Variants in ITSN2 observed in about 807,000 individuals in gnomAD.
ITSN2 encodes the protein intersectin-2.
Under a neutral mutation model 243.7 loss-of-function variants are expected in ITSN2, and 156 were observed. The ratio of observed to expected loss-of-function variants is 0.64; its 90% CI spans 0.56 to 0.73. ITSN2 has a LOEUF of 0.73. ITSN2 is among the 30% of genes least tolerant of loss of function. The pLI is 0.00. For synonymous variants in ITSN2, 703 were observed against 699.9 expected (o/e 1.00, Z -0.07); for missense variants, 1,801 against 1,996.1 (o/e 0.90, Z 1.86).
At chr2:24,260,165 C>T (rs1045979001) in intron 22 of ITSN2, among the ~76,000 whole-genome samples, 4 of 152,136 alleles carry the variant, frequency 2.6e-5, no homozygotes, top group Non-Finnish European at 5.9e-5. Context: ...AAGCAATCCT[C>T]CCATCTTGGA....
intron 1 of ITSN2, among the ~76,000 whole-genome samples, chr2:24,337,315 A>AATATATATATATAT (rs201712131): frequency 1.8e-3 from 57 of 31,860 alleles, no homozygotes; most frequent in Middle Eastern, 0.019. Context: ...GTATACACAA[A>AATATATATATATAT]ATATATATAT....
intron 2 of ITSN2, among the ~76,000 whole-genome samples, chr2:24,315,622 G>A (rs980447538): frequency 2.0e-5 from 3 of 152,172 alleles, no homozygotes; most frequent in Non-Finnish European, 4.4e-5. Context: ...ACCTCATTTC[G>A]AACTGTAATC....
chr2:24,350,548 C>A (rs1291827566), intron 1 of ITSN2, among the ~76,000 whole-genome samples: 1 of 152,048 alleles, frequency 6.6e-6, no homozygotes, highest in African/African-American at 2.4e-5. Context: ...TTCACAATAG[C>A]CAAAAAGTAG....
At chr2:24,314,006 G>C (rs1335203037) in intron 3 of ITSN2, among the ~76,000 whole-genome samples, 1 of 152,116 alleles carries the variant, frequency 6.6e-6, no homozygotes, top group African/African-American at 2.4e-5. Context: ...CAATCTTAAC[G>C]AATCCGGTAA....
chr2:24,232,409 T>C (rs902570804), intron 29 of ITSN2, among the ~76,000 whole-genome samples: 4 of 152,186 alleles, frequency 2.6e-5, no homozygotes, highest in African/African-American at 9.7e-5. Flanking sequence ...AAGACAGCAA[T>C]GACCTCCTAA....
chr2:24,219,028 C>T (rs1366906246), intron 30 of ITSN2, among the ~76,000 whole-genome samples: 3 of 152,224 alleles, frequency 2.0e-5, no homozygotes, highest in East Asian at 3.9e-4. Flanking sequence ...CTACTTCACA[C>T]TCCAGTCACC....
At chr2:24,315,283 T>C in intron 2 of ITSN2, 59 bp from the exon 3 acceptor site, 4 of 920,548 alleles carry the variant, frequency 4.3e-6, no homozygotes, top group Middle Eastern at 2.2e-4. Flanking sequence ...AATACAATTC[T>C]AAAATGTAAA....
intron 29 of ITSN2, among the ~76,000 whole-genome samples, chr2:24,230,694 G>A (rs1385445374): frequency 6.6e-6 from 1 of 152,088 alleles, no homozygotes; most frequent in African/African-American, 2.4e-5. Context: ...CTTGAACCCA[G>A]GAGGCAGAGG....
intron 25 of ITSN2, among the ~76,000 whole-genome samples, chr2:24,250,913 CA>C (rs1187749975): frequency 1.3e-5 from 2 of 151,886 alleles, no homozygotes; most frequent in Non-Finnish European, 2.9e-5. Context: ...AAGAGATTTG[CA>C]AAAATATAAA....
intron 22 of ITSN2, among the ~76,000 whole-genome samples, chr2:24,258,732 CT>C (rs61267946): frequency 1.3e-5 from 2 of 152,144 alleles, no homozygotes; most frequent in Non-Finnish European, 2.9e-5. Context: ...TAGTCTTAAA[CT>C]TTTTTTCCAA....
chr2:24,293,768 TG>T lies in ITSN2; in HGVS notation c.1642del (p.Gln548ArgfsTer14). ...KQLQQELQEY[Q>X]NKLIYLVPEK... is the part of the protein sequence containing the mutation. ...AGGTACCAGATAGATAAGCTTATTC[TG>T]ATATTCCTTATAAAAAGAAAAAATA... On this transcript the variant is annotated frameshift_variant, in exon 15 of 40. Coordinates refer to ENST00000355123, the MANE Select transcript of ITSN2 (RefSeq NM_006277.3). LOFTEE classifies it high-confidence loss of function. 1.0e-6 allele frequency: 1 copy of T among 973,670 alleles called. No individual in the cohort carries two copies. Among genetic ancestry groups the T allele is most frequent in the Non-Finnish European group, 1.5e-6 (1 of 647,914 alleles). The allele number at this position is 973,670 out of a possible 1,614,324, so 60.3% of individuals were successfully genotyped here.
chr2:24,337,315 AATAT>A (rs201712131), intron 1 of ITSN2, among the ~76,000 whole-genome samples: 1,006 of 32,022 alleles, frequency 0.031, 111 homozygotes, highest in African/African-American at 0.088. Flanking sequence ...GTATACACAA[AATAT>A]ATATATATAT....
intron 1 of ITSN2, among the ~76,000 whole-genome samples, chr2:24,350,016 AAAACT>A (rs999213095): frequency 1.3e-5 from 2 of 152,236 alleles, no homozygotes; most frequent in African/African-American, 4.8e-5. Context: ...TTCTTAGAAG[AAAACT>A]AAACTAGAGC....
rs910050277 is a variant in ITSN2, at chr2:24,237,515, T to C, written c.3577+8614A>G. Among the ~76,000 whole-genome samples the C allele has an allele frequency of 2.0e-5, 3 of 152,266 alleles. No homozygotes were observed. The East Asian group carries it at 5.8e-4, about 29-fold the overall frequency. ...ATGTCATTCCACCAGGTGGTGTACA[T>C]CTGATGTTGTCTATCTTATCTGACC... On this transcript the variant is annotated intron_variant, in intron 29 of 39. Coordinates refer to ENST00000355123, the MANE Select transcript of ITSN2 (RefSeq NM_006277.3).
In ITSN2 at chr2:24,249,296, AC is replaced by A. The variant is rs1673807540; in HGVS notation, c.3121-415del. 6.6e-6 allele frequency among the ~76,000 whole-genome samples: 1 copy of A among 152,166 alleles called. No homozygotes were observed. Among genetic ancestry groups the A allele is most frequent in the South Asian group, 2.1e-4 (1 of 4,826 alleles). ...CTCCTGCTTTCTCTAAGGGATCCTG[AC>A]TTATCTATGGATCTTGATGAACAGG... is the stretch of plus-strand genomic sequence containing the variant. On this transcript the variant is annotated intron_variant, in intron 25 of 39. Transcript: ENST00000355123. This position sits in a 1 kb window ranked among gnomAD's most constrained non-coding sequence, Gnocchi z 4.4.
intron 1 of ITSN2, among the ~76,000 whole-genome samples, chr2:24,337,315 A>AATATATATATATATACATATATATAC (rs70944741): frequency 9.4e-5 from 3 of 32,026 alleles, no homozygotes; most frequent in African/African-American, 2.2e-4. Flanking sequence ...GTATACACAA[A>AATATATATATATATACATATATATAC]ATATATATAT....
intron 15 of ITSN2, 75 bp from the exon 16 acceptor site, chr2:24,286,426 G>C: frequency 3.8e-6 from 5 of 1,305,150 alleles, no homozygotes; most frequent in Non-Finnish European, 4.4e-6. Context: ...TTTACTGTTT[G>C]GTCAGATTGA....
intron 16 of ITSN2, among the ~76,000 whole-genome samples, chr2:24,285,189 C>T (rs1679337292): frequency 6.6e-6 from 1 of 151,980 alleles, no homozygotes; most frequent in African/African-American, 2.4e-5. Context: ...GCCACCATGC[C>T]CAGTTATGTA....
At chr2:24,208,572 T>C (rs911145323) in intron 36 of ITSN2, among the ~76,000 whole-genome samples, 4 of 152,178 alleles carry the variant, frequency 2.6e-5, no homozygotes, top group African/African-American at 9.6e-5. Context: ...AGATGATGCA[T>C]TGGCCCCACG....
Sources: gnomAD v4.1 joint callset for allele counts (sites outside exome capture counted in the v4.1 genomes callset) on GRCh38, gnomAD v4.1.1 for gene constraint, Gnocchi (gnomAD v3.1) non-coding constraint, MANE v1.5 for transcripts, NCBI Gene and HGNC (gene_info 2026-07-23, HGNC 2026-07-21) for gene names.